The following REDIC1 variants were observed in gnomAD, a reference collection of about 807,000 sequenced individuals.
REDIC1 encodes HEI10 Interacting Protein 1.
the REDIC1 span, among the ~76,000 whole-genome samples, chr12:39,702,595 T>G: frequency 1.3e-5 from 2 of 152,104 alleles, no homozygotes; most frequent in Non-Finnish European, 2.9e-5. Flanking sequence ...GAGGCCAGCA[T>G]CATCCTGATA....
the REDIC1 span, among the ~76,000 whole-genome samples, chr12:39,753,693 T>C: frequency 5.9e-5 from 9 of 152,174 alleles, no homozygotes; most frequent in African/African-American, 2.2e-4. Flanking sequence ...GTGACCTTAG[T>C]AGCATCAGGG....
chr12:39,705,356 G>C, the REDIC1 span, among the ~76,000 whole-genome samples: 4 of 152,138 alleles, frequency 2.6e-5, no homozygotes, highest in Non-Finnish European at 1.5e-5. Flanking sequence ...GGACTTGAAG[G>C]CTTCACTGCT....
the REDIC1 span, among the ~76,000 whole-genome samples, chr12:39,749,332 A>C: frequency 6.6e-6 from 1 of 152,342 alleles, no homozygotes; most frequent in East Asian, 1.9e-4. Context: ...GAAATGGATA[A>C]ATTCCTCGAC....
chr12:39,640,661 T>C, the REDIC1 span, among the ~76,000 whole-genome samples: 1 of 151,902 alleles, frequency 6.6e-6, no homozygotes, highest in Non-Finnish European at 1.5e-5. Context: ...ATATATTCTT[T>C]CCAATGCATT....
the REDIC1 span, among the ~76,000 whole-genome samples, chr12:39,842,616 A>AC: frequency 6.6e-6 from 1 of 152,066 alleles, no homozygotes; most frequent in South Asian, 2.1e-4. Flanking sequence ...ATTTTTAAAA[A>AC]TTTTTTACTG....
chr12:39,648,096 A>C, the REDIC1 span: 1 of 667,280 alleles, frequency 1.5e-6, no homozygotes, highest in South Asian at 5.0e-5. Flanking sequence ...TAAACAAATT[A>C]GGAGATAAAT....
At chr12:39,676,896 G>T in the REDIC1 span, among the ~76,000 whole-genome samples, 1 of 151,936 alleles carries the variant, frequency 6.6e-6, no homozygotes, top group Non-Finnish European at 1.5e-5. Context: ...AGACAAACAT[G>T]CTGAGAGAAT....
the REDIC1 span, among the ~76,000 whole-genome samples, chr12:39,712,983 ATGTGTATATACGTG>A: frequency 1.6e-4 from 3 of 19,330 alleles, no homozygotes; most frequent in Admixed American, 1.1e-3. Context: ...GTATATATAC[ATGTGTATATACGTG>A]TATATGTATA....
At chr12:39,740,095 A>G in the REDIC1 span, among the ~76,000 whole-genome samples, 2 of 152,226 alleles carry the variant, frequency 1.3e-5, no homozygotes, top group African/African-American at 4.8e-5. Context: ...AGCAACCAAC[A>G]TGGGATCATT....
chr12:39,864,338 C>T, the REDIC1 span, among the ~76,000 whole-genome samples: 1 of 152,178 alleles, frequency 6.6e-6, no homozygotes, highest in Non-Finnish European at 1.5e-5. Flanking sequence ...GATAGCCATG[C>T]AAATCAGTCC....
the REDIC1 span, among the ~76,000 whole-genome samples, chr12:39,900,353 G>A: frequency 1.3e-5 from 2 of 152,090 alleles, no homozygotes; most frequent in Non-Finnish European, 2.9e-5. Context: ...CGATTAGGCA[G>A]AAAGAAATAA....
At chr12:39,747,855 T>A in the REDIC1 span, among the ~76,000 whole-genome samples, 1 of 151,936 alleles carries the variant, frequency 6.6e-6, no homozygotes, top group African/African-American at 2.4e-5. Flanking sequence ...AGAAATCAAA[T>A]CCTTTACAGA....
chr12:39,725,267 A>C, the REDIC1 span, among the ~76,000 whole-genome samples: 1 of 152,158 alleles, frequency 6.6e-6, no homozygotes, highest in South Asian at 2.1e-4. Context: ...CCAGCCCTAC[A>C]GCTGTAACAG....
At chr12:39,764,138 T>C in the REDIC1 span, among the ~76,000 whole-genome samples, 8 of 152,162 alleles carry the variant, frequency 5.3e-5, no homozygotes, top group Non-Finnish European at 8.8e-5. Flanking sequence ...TTTTTTTTTT[T>C]TGTTTGTTTC....
the REDIC1 span, chr12:39,721,381 G>A: frequency 8.2e-6 from 6 of 735,026 alleles, no homozygotes; most frequent in African/African-American, 5.4e-5. Context: ...AGTGTTCAGG[G>A]TGTATATTCA....
At chr12:39,709,181 T>C in the REDIC1 span, among the ~76,000 whole-genome samples, 2 of 151,622 alleles carry the variant, frequency 1.3e-5, no homozygotes, top group Non-Finnish European at 2.9e-5. Flanking sequence ...ACATCCTGTG[T>C]TTCTATATTA....
the REDIC1 span, among the ~76,000 whole-genome samples, chr12:39,801,790 C>T: frequency 1.3e-5 from 2 of 152,268 alleles, no homozygotes; most frequent in South Asian, 4.1e-4. Flanking sequence ...TGTGCAAAAT[C>T]AGATCAACTG....
chr12:39,890,372 G>A, the REDIC1 span, among the ~76,000 whole-genome samples: 1 of 152,112 alleles, frequency 6.6e-6, no homozygotes, highest in Admixed American at 6.5e-5. Flanking sequence ...AGCTATCGGT[G>A]TCCTACTTCC....
At chr12:39,754,076 A>G in the REDIC1 span, among the ~76,000 whole-genome samples, 1 of 152,106 alleles carries the variant, frequency 6.6e-6, no homozygotes, top group Non-Finnish European at 1.5e-5. Flanking sequence ...TCTGTTTTTA[A>G]TCTATCTGCC....
Sources: allele counts gnomAD v4.1 joint callset (sites outside exome capture counted in the v4.1 genomes callset), GRCh38; gene constraint gnomAD v4.1.1; transcripts MANE v1.5; gene names NCBI Gene and HGNC (gene_info 2026-07-23, HGNC 2026-07-21).